The following DYM variants were observed in gnomAD, a reference collection of about 807,000 sequenced individuals.
DYM encodes dymeclin, also known as dyggve-Melchior-Clausen syndrome protein.
DYM carries 78 observed loss-of-function variants against 93.1 expected under a neutral mutation model. The ratio of observed to expected loss-of-function variants is 0.84; its 90% CI spans 0.70 to 1.01. DYM has a LOEUF of 1.01. DYM is among the 50% of genes least tolerant of loss of function. The pLI, the probability that DYM is intolerant of heterozygous loss-of-function variation, is 0.00. For synonymous variants in DYM, 321 were observed against 319.7 expected (o/e 1.00, Z -0.04); for missense variants, 789 against 845.0 (o/e 0.93, Z 0.82).
chr18:49,338,282 A>C (rs1481548491), intron 6 of DYM, among the ~76,000 whole-genome samples: 1 of 152,196 alleles, frequency 6.6e-6, no homozygotes, highest in Non-Finnish European at 1.5e-5. Flanking sequence ...ATGAAGAAAA[A>C]CATTTAAAAA....
chr18:49,355,873 A>C (rs2065519520), intron 6 of DYM, among the ~76,000 whole-genome samples: 1 of 152,178 alleles, frequency 6.6e-6, no homozygotes, highest in Non-Finnish European at 1.5e-5. Flanking sequence ...AGGTTAAATG[A>C]AGGTAAAGGT....
intron 8 of DYM, among the ~76,000 whole-genome samples, chr18:49,306,035 G>C (rs2061253783): frequency 6.6e-6 from 1 of 152,176 alleles, no homozygotes; most frequent in East Asian, 1.9e-4. Context: ...AAATGTCACT[G>C]AAAGTATTTC....
At chr18:49,194,815 TAA>T (rs1489903606) in intron 14 of DYM, among the ~76,000 whole-genome samples, 1 of 152,214 alleles carries the variant, frequency 6.6e-6, no homozygotes, top group South Asian at 2.1e-4. Context: ...CATTTTGAAT[TAA>T]AAAGTTAAAT....
At chr18:49,193,686 G>T (rs770639660) in intron 14 of DYM, among the ~76,000 whole-genome samples, 24 of 152,136 alleles carry the variant, frequency 1.6e-4, no homozygotes, top group Admixed American at 9.2e-4. Flanking sequence ...ACTTTATAAT[G>T]CTGTGACATT....
At chr18:49,325,074 G>T (rs1227214742) in intron 8 of DYM, among the ~76,000 whole-genome samples, 1 of 152,126 alleles carries the variant, frequency 6.6e-6, no homozygotes, top group East Asian at 1.9e-4. Flanking sequence ...GAGGTCCCGG[G>T]ATAATAATAA....
intron 1 of DYM, among the ~76,000 whole-genome samples, chr18:49,441,293 AT>A (rs1380621071): frequency 5.8e-4 from 21 of 36,490 alleles, no homozygotes; most frequent in African/African-American, 3.2e-3. Context: ...ATTATATATA[AT>A]ATAATTATAT....
intron 6 of DYM, among the ~76,000 whole-genome samples, chr18:49,355,268 T>C (rs1415939645): frequency 6.6e-6 from 1 of 151,926 alleles, no homozygotes; most frequent in Admixed American, 6.6e-5. Context: ...TATCAATAGA[T>C]ATAGATATCA....
At position 49,114,646 on chromosome 18, in the gene DYM, G is replaced by A. The variant is rs937726639; in HGVS notation, c.1911+4098C>T. 7 of 902,322 alleles carry A rather than the reference G, an allele frequency of 7.8e-6. No individual in the cohort carries two copies. The East Asian group carries it at 7.1e-4, about 92-fold the overall frequency. The allele number at this position is 902,322 out of a possible 1,614,324, so 55.9% of individuals were successfully genotyped here. ...TAAAAAAAATTAATATGGTCTTTCA[G>A]AGACTTTTTTTTTCTTTTTCTTTCG... On this transcript the variant is annotated intron_variant, in intron 16 of 17. Transcript: ENST00000675505.
intron 17 of DYM, among the ~76,000 whole-genome samples, chr18:49,095,329 T>C (rs2079444511): frequency 6.6e-6 from 1 of 152,240 alleles, no homozygotes; most frequent in African/African-American, 2.4e-5. Context: ...AACAGCCTTT[T>C]ATTTCTAGTA....
chr18:49,145,632 G>T (rs546070940), intron 15 of DYM, among the ~76,000 whole-genome samples: 1 of 152,118 alleles, frequency 6.6e-6, no homozygotes, highest in Admixed American at 6.5e-5. Context: ...GTATCAACCT[G>T]TCCCGAGGAT....
intron 8 of DYM, among the ~76,000 whole-genome samples, chr18:49,292,648 A>G (rs1048702946): frequency 1.3e-5 from 2 of 150,412 alleles, no homozygotes; most frequent in African/African-American, 4.9e-5. Flanking sequence ...CCTGTCCACC[A>G]GAAAAATAAG....
chr18:49,176,631 T>C (rs1474599110), intron 14 of DYM, among the ~76,000 whole-genome samples: 1 of 146,684 alleles, frequency 6.8e-6, no homozygotes, highest in African/African-American at 2.5e-5. Context: ...CCCGCACTGG[T>C]CTTGAACTTC....
At chr18:49,376,242 C>A (rs890146371) in intron 5 of DYM, among the ~76,000 whole-genome samples, 4 of 152,188 alleles carry the variant, frequency 2.6e-5, no homozygotes, top group Non-Finnish European at 5.9e-5. Context: ...CCCTTCCCTG[C>A]AACCAGCCAA....
chr18:49,307,454 T>C (rs2146290136), intron 8 of DYM, among the ~76,000 whole-genome samples: 1 of 152,216 alleles, frequency 6.6e-6, no homozygotes, highest in Admixed American at 6.5e-5. Context: ...AATTTGCCCA[T>C]ACTATTTCTA....
At chr18:49,362,945 T>C (rs955049509) in intron 6 of DYM, among the ~76,000 whole-genome samples, 1 of 152,256 alleles carries the variant, frequency 6.6e-6, no homozygotes, top group African/African-American at 2.4e-5. Context: ...TTAATATAGT[T>C]TCACTGTTTT....
At chr18:49,164,428 A>G (rs2087605120) in intron 14 of DYM, among the ~76,000 whole-genome samples, 1 of 152,208 alleles carries the variant, frequency 6.6e-6, no homozygotes, top group South Asian at 2.1e-4. Flanking sequence ...GATGAAGATG[A>G]GCCCCATAAT....
At chr18:49,163,811 A>G (rs1190810846) in intron 14 of DYM, 24 bp from the exon 15 acceptor site, 5 of 1,453,726 alleles carry the variant, frequency 3.4e-6, no homozygotes, top group Non-Finnish European at 3.8e-6. Flanking sequence ...CAAAAAACCA[A>G]TTATATTAAA....
chr18:49,145,210 G>A (rs1413419061), intron 15 of DYM, among the ~76,000 whole-genome samples: 1 of 146,732 alleles, frequency 6.8e-6, no homozygotes, highest in Non-Finnish European at 1.5e-5. Flanking sequence ...TTACTAATGT[G>A]TTTTATTAAA....
At chr18:49,208,972 C>T (rs1420534324) in intron 14 of DYM, among the ~76,000 whole-genome samples, 1 of 152,174 alleles carries the variant, frequency 6.6e-6, no homozygotes, top group Non-Finnish European at 1.5e-5. Context: ...CCACTGACCC[C>T]CATTATGTTT....
Sources: allele counts gnomAD v4.1 joint callset (sites outside exome capture counted in the v4.1 genomes callset), GRCh38; gene constraint gnomAD v4.1.1; transcripts MANE v1.5; gene names NCBI Gene and HGNC (gene_info 2026-07-23, HGNC 2026-07-21).